Variants in PPARGC1A observed in about 807,000 individuals in gnomAD.
The protein encoded by PPARGC1A is peroxisome proliferator-activated receptor gamma coactivator 1-alpha.
Under a neutral mutation model 88.7 loss-of-function variants are expected in PPARGC1A, and 25 were observed. The observed-to-expected ratio is 0.28, with a 90% CI of 0.21 to 0.39. PPARGC1A has a LOEUF of 0.39. Ranked by LOEUF, PPARGC1A falls within the 10% of genes least tolerant of loss-of-function variation. The pLI is 1.00. For missense variants in PPARGC1A, 880 were observed against 968.7 expected (o/e 0.91, Z 1.22); for synonymous variants, 363 against 355.6 (o/e 1.02, Z -0.24).
the PPARGC1A span, among the ~76,000 whole-genome samples, chr4:24,052,140 ACTG>A: frequency 6.6e-6 from 1 of 152,170 alleles, no homozygotes; most frequent in East Asian, 1.9e-4. Flanking sequence ...GGTGACCACT[ACTG>A]CTATTATTGA....
chr4:24,064,818 TACA>T, the PPARGC1A span, among the ~76,000 whole-genome samples: 2,720 of 152,258 alleles, frequency 0.018, 85 homozygotes, highest in African/African-American at 0.063. Context: ...TCGCCCATCA[TACA>T]ACAACACATT....
the PPARGC1A span, among the ~76,000 whole-genome samples, chr4:24,290,773 G>C: frequency 2.0e-5 from 3 of 152,112 alleles, no homozygotes; most frequent in African/African-American, 7.2e-5. Flanking sequence ...GTGACTCAGT[G>C]CTGATGATTC....
At chr4:24,305,148 T>TATATATATATATAC in the PPARGC1A span, among the ~76,000 whole-genome samples, 3 of 148,528 alleles carry the variant, frequency 2.0e-5, no homozygotes, top group Admixed American at 1.4e-4. Context: ...TATATATATA[T>TATATATATATATAC]ACATACACAC....
chr4:23,805,705 C>T (rs1719675941), intron 10 of PPARGC1A, among the ~76,000 whole-genome samples: 1 of 152,152 alleles, frequency 6.6e-6, no homozygotes, highest in Non-Finnish European at 1.5e-5. Flanking sequence ...ACTTAAATTT[C>T]CTGGCGCCTG....
the PPARGC1A span, among the ~76,000 whole-genome samples, chr4:24,176,338 T>C: frequency 2.5e-4 from 38 of 152,230 alleles, 1 homozygote; most frequent in South Asian, 7.5e-3. Flanking sequence ...TCTCAACTGA[T>C]TTATTACATG....
At chr4:24,052,926 C>CA in the PPARGC1A span, among the ~76,000 whole-genome samples, 2 of 117,722 alleles carry the variant, frequency 1.7e-5, no homozygotes, top group African/African-American at 6.6e-5. Context: ...TGCAGTGGTG[C>CA]TATCTTGGCT....
chr4:24,400,104 T>G, the PPARGC1A span, among the ~76,000 whole-genome samples: 16 of 152,266 alleles, frequency 1.1e-4, no homozygotes, highest in African/African-American at 3.6e-4. Context: ...TCTTTAAATA[T>G]TCTATGGAGT....
the PPARGC1A span, among the ~76,000 whole-genome samples, chr4:24,037,498 C>A: frequency 6.6e-6 from 1 of 152,160 alleles, no homozygotes; most frequent in Non-Finnish European, 1.5e-5. Context: ...CACATAGAAG[C>A]ATCAACTCCA....
chr4:24,299,930 G>T, the PPARGC1A span, among the ~76,000 whole-genome samples: 1 of 152,182 alleles, frequency 6.6e-6, no homozygotes, highest in African/African-American at 2.4e-5. Flanking sequence ...ATGTGGCTGA[G>T]ATCATAGTCT....
rs536914175 is a variant in PPARGC1A, at chr4:23,849,141, C to T, written c.235-17390G>A. Among the ~76,000 whole-genome samples the T allele has an allele frequency of 9.9e-5, 15 of 152,078 alleles. No homozygotes were observed. In the South Asian group the frequency reaches 3.1e-3, roughly 32 times the overall value. Reference sequence around the variant, plus strand: ...CCTGGGCGACAGAGTGAGACTCCGTCTCAAAGAAAAAAATGGAGACATCTG... The same window carrying T: ...CCTGGGCGACAGAGTGAGACTCCGTTTCAAAGAAAAAAATGGAGACATCTG... On this transcript the variant is annotated intron_variant, in intron 2 of 12. Coordinates refer to ENST00000264867, the MANE Select transcript of PPARGC1A (RefSeq NM_013261.5).
the PPARGC1A span, among the ~76,000 whole-genome samples, chr4:24,434,151 T>A: frequency 6.6e-6 from 1 of 152,182 alleles, no homozygotes. Context: ...TTTAAACTAA[T>A]GAGAGATATA....
At chr4:24,261,042 T>C in the PPARGC1A span, among the ~76,000 whole-genome samples, 1 of 152,182 alleles carries the variant, frequency 6.6e-6, no homozygotes, top group Non-Finnish European at 1.5e-5. Flanking sequence ...CAACCAGCTC[T>C]ATGCTTGCTT....
chr4:24,249,306 T>C, the PPARGC1A span, among the ~76,000 whole-genome samples: 17,951 of 151,958 alleles, frequency 0.12, 1,499 homozygotes, highest in East Asian at 0.29. Context: ...CAAGTAAAAA[T>C]CATAGAGTTA....
chr4:24,101,135 T>C, the PPARGC1A span, among the ~76,000 whole-genome samples: 4 of 152,206 alleles, frequency 2.6e-5, no homozygotes, highest in Non-Finnish European at 4.4e-5. Flanking sequence ...TGGGAGGTGA[T>C]TGGAACACGG....
intron 2 of PPARGC1A, among the ~76,000 whole-genome samples, chr4:23,834,586 T>G (rs1454326591): frequency 2.0e-5 from 3 of 152,092 alleles, no homozygotes; most frequent in Non-Finnish European, 4.4e-5. Context: ...TTCCATAAAC[T>G]GACCAATTGT....
intron 2 of PPARGC1A, among the ~76,000 whole-genome samples, chr4:23,838,854 T>C (rs1726519849): frequency 2.0e-5 from 3 of 152,172 alleles, no homozygotes; most frequent in African/African-American, 7.2e-5. Context: ...CTAATGCACA[T>C]ATATATCTCA....
At chr4:24,151,261 T>C in the PPARGC1A span, among the ~76,000 whole-genome samples, 1,467 of 152,302 alleles carry the variant, frequency 9.6e-3, 14 homozygotes, top group Middle Eastern at 0.024. Context: ...TTTATCACAG[T>C]TCTGGAGGCT....
chr4:24,361,620 C>T, the PPARGC1A span, among the ~76,000 whole-genome samples: 1 of 152,248 alleles, frequency 6.6e-6, no homozygotes, highest in East Asian at 1.9e-4. Flanking sequence ...TCCATTTTAG[C>T]TTTTTAGCTT....
the PPARGC1A span, among the ~76,000 whole-genome samples, chr4:24,243,565 C>G: frequency 6.6e-6 from 1 of 152,168 alleles, no homozygotes; most frequent in African/African-American, 2.4e-5. Context: ...TTGCAACACC[C>G]TCAGAAAGGA....
Sources: allele counts gnomAD v4.1 joint callset (sites outside exome capture counted in the v4.1 genomes callset), GRCh38; gene constraint gnomAD v4.1.1; transcripts MANE v1.5; gene names NCBI Gene and HGNC (gene_info 2026-07-23, HGNC 2026-07-21).